Variants in NEXMIF observed in about 807,000 individuals in gnomAD.
The protein encoded by NEXMIF is neurite extension and migration factor, also known as XLMR protein related to neurite extension.
NEXMIF carries 8 observed loss-of-function variants against 62.1 expected under a neutral mutation model. The ratio of observed to expected loss-of-function variants is 0.13; its 90% CI spans 0.08 to 0.23. The LOEUF is 0.23. Ranked by LOEUF, NEXMIF falls within the 10% of genes least tolerant of loss-of-function variation. The pLI, the probability that NEXMIF is intolerant of heterozygous loss-of-function variation, is 1.00. For synonymous variants in NEXMIF, 404 were observed against 416.6 expected, an observed-to-expected ratio of 0.97 and a Z score of 0.37; for missense variants, 976 against 1,113.3, an observed-to-expected ratio of 0.88 and a Z score of 1.75.
At chrX:74,880,533 A>G (rs1296091415) in intron 1 of NEXMIF, among the ~76,000 whole-genome samples, 1 of 111,755 alleles carries the variant, frequency 8.9e-6, no homozygotes, top group African/African-American at 3.3e-5. Flanking sequence ...GAGGCTTTAC[A>G]AGGGTTCACA....
At chrX:74,861,662 C>T (rs1441012068) in intron 1 of NEXMIF, among the ~76,000 whole-genome samples, 1 of 111,857 alleles carries the variant, frequency 8.9e-6, no homozygotes, top group Non-Finnish European at 1.9e-5. Flanking sequence ...AGAAACCCTA[C>T]AAGCCAGAAG....
intron 1 of NEXMIF, among the ~76,000 whole-genome samples, chrX:74,878,199 C>A (rs1275877646): frequency 9.0e-6 from 1 of 111,297 alleles, no homozygotes; most frequent in Non-Finnish European, 1.9e-5. Flanking sequence ...GTTAGTTTTC[C>A]TTCTAACAGA....
chrX:74,881,144 TAGAGA>T (rs2080661144), intron 1 of NEXMIF, among the ~76,000 whole-genome samples: 1 of 110,965 alleles, frequency 9.0e-6, no homozygotes, highest in African/African-American at 3.3e-5. Flanking sequence ...TGGAAATTGC[TAGAGA>T]AAAGAAAGAT....
chrX:74,882,667 G>A (rs113169613), intron 1 of NEXMIF, among the ~76,000 whole-genome samples: 3 of 112,213 alleles, frequency 2.7e-5, no homozygotes, highest in African/African-American at 9.7e-5. Flanking sequence ...ACTGGGTGGA[G>A]CCCATCACAG....
intron 1 of NEXMIF, among the ~76,000 whole-genome samples, chrX:74,797,089 T>G (rs776353379): frequency 4.1e-4 from 46 of 111,723 alleles, no homozygotes; most frequent in Non-Finnish European, 8.1e-4. Flanking sequence ...ATAACCCCAG[T>G]GCAATCATAA....
At chrX:74,808,537 TA>T (rs1436588405) in intron 1 of NEXMIF, among the ~76,000 whole-genome samples, 1 of 112,435 alleles carries the variant, frequency 8.9e-6, no homozygotes, top group Non-Finnish European at 1.9e-5. Flanking sequence ...TCCTTTCTTG[TA>T]ATGTCTTTGT....
chrX:74,923,282 G>A (rs999406004), intron 1 of NEXMIF, among the ~76,000 whole-genome samples: 3 of 111,641 alleles, frequency 2.7e-5, no homozygotes, highest in Admixed American at 1.9e-4. Flanking sequence ...TGTTACTGCT[G>A]GGTAAAATGT....
chrX:74,796,786 G>A (rs779835829), intron 1 of NEXMIF, among the ~76,000 whole-genome samples: 9 of 111,567 alleles, frequency 8.1e-5, no homozygotes, highest in Non-Finnish European at 1.5e-4. Flanking sequence ...CATAAATGGT[G>A]GAGAAAAGAC....
intron 1 of NEXMIF, among the ~76,000 whole-genome samples, chrX:74,865,233 T>C (rs746298217): frequency 1.8e-5 from 2 of 111,603 alleles, no homozygotes; most frequent in Non-Finnish European, 3.8e-5. Flanking sequence ...AAAATGCTGA[T>C]AGTGATATGG....
At chrX:74,811,017 A>G (rs780150378) in intron 1 of NEXMIF, among the ~76,000 whole-genome samples, 1 of 111,761 alleles carries the variant, frequency 8.9e-6, no homozygotes, top group South Asian at 3.8e-4. Flanking sequence ...AATATTTAGT[A>G]TTAACAGCTA....
intron 1 of NEXMIF, among the ~76,000 whole-genome samples, chrX:74,868,566 A>G (rs776645875): frequency 5.2e-5 from 5 of 96,897 alleles, no homozygotes; most frequent in African/African-American, 1.9e-4. Flanking sequence ...TATAAGTTGG[A>G]GCTGGACAAT....
At chrX:74,881,405 C>G (rs1295588204) in intron 1 of NEXMIF, among the ~76,000 whole-genome samples, 1 of 101,488 alleles carries the variant, frequency 9.9e-6, no homozygotes, top group Admixed American at 1.1e-4. Context: ...CACACACACA[C>G]ACACACACAC....
Position 74,897,409 on chromosome X carries a change from G to A in NEXMIF, c.-48+27474C>T, listed in dbSNP as rs1371405551. ...AACATATTTCTCCTCTAATTTCTAAGGGTCTTAATTCTAATATGGGGATAA... is the reference window on the plus strand; with the variant it reads ...AACATATTTCTCCTCTAATTTCTAAAGGTCTTAATTCTAATATGGGGATAA... On this transcript the variant is annotated intron_variant, in intron 1 of 3. Transcript: ENST00000055682. Among the ~76,000 whole-genome samples the A allele has an allele frequency of 1.1e-4, 12 of 111,986 alleles. No individual in the cohort carries two copies. In the Admixed American group the frequency reaches 1.1e-3, roughly 11 times the overall value.
At chrX:74,749,836 A>AG (rs1317515450) in intron 1 of NEXMIF, among the ~76,000 whole-genome samples, 1 of 112,028 alleles carries the variant, frequency 8.9e-6, no homozygotes, top group Non-Finnish European at 1.9e-5. Context: ...CCAACTCCAC[A>AG]GGGCCTAGCT....
At chrX:74,816,113 T>C (rs1025413190) in intron 1 of NEXMIF, among the ~76,000 whole-genome samples, 1 of 111,891 alleles carries the variant, frequency 8.9e-6, no homozygotes, top group Non-Finnish European at 1.9e-5. Context: ...AAATCCTACA[T>C]TTCTCAAAAA....
At chrX:74,881,995 G>A (rs1322947483) in intron 1 of NEXMIF, among the ~76,000 whole-genome samples, 1 of 111,620 alleles carries the variant, frequency 9.0e-6, no homozygotes, top group Non-Finnish European at 1.9e-5. Flanking sequence ...CAAACACAAA[G>A]TGACCCAGTT....
intron 1 of NEXMIF, among the ~76,000 whole-genome samples, chrX:74,767,321 A>G (rs750213789): frequency 8.9e-6 from 1 of 112,801 alleles, no homozygotes; most frequent in East Asian, 2.8e-4. Flanking sequence ...CAGATTTTCC[A>G]GCACCTAAGG....
intron 1 of NEXMIF, among the ~76,000 whole-genome samples, chrX:74,752,185 G>A (rs1157218762): frequency 1.8e-5 from 2 of 111,894 alleles, no homozygotes; most frequent in Admixed American, 1.9e-4. Context: ...TCTGATTTAA[G>A]TTTTGTGTGA....
At chrX:74,751,148 T>G (rs1400635422) in intron 1 of NEXMIF, among the ~76,000 whole-genome samples, 1 of 111,216 alleles carries the variant, frequency 9.0e-6, no homozygotes, top group Non-Finnish European at 1.9e-5. Context: ...GAGGATTGCT[T>G]GAACCCGGGA....
Sources: allele counts gnomAD v4.1 joint callset (sites outside exome capture counted in the v4.1 genomes callset), GRCh38; gene constraint gnomAD v4.1.1; transcripts MANE v1.5; gene names NCBI Gene and HGNC (gene_info 2026-07-23, HGNC 2026-07-21).